The following INCENP variants were observed in gnomAD, a reference collection of about 807,000 sequenced individuals.
INCENP encodes the protein inner centromere protein.
A neutral mutation model predicts 107.3 loss-of-function variants in INCENP; 43 were observed. The observed-to-expected ratio is 0.40, with a 90% CI of 0.31 to 0.52. INCENP has a LOEUF of 0.52. Ranked by LOEUF, INCENP falls within the 20% of genes least tolerant of loss-of-function variation. The probability of loss-of-function intolerance (pLI) is 0.53; values close to 1 mark genes in which losing one functional copy is unlikely to be tolerated. For synonymous variants in INCENP, 488 were observed against 494.4 expected, an observed-to-expected ratio of 0.99 and a Z score of 0.17; for missense variants, 1,089 against 1,250.9, an observed-to-expected ratio of 0.87 and a Z score of 1.95.
At chr11:62,128,513 G>T (rs575406317) in intron 2 of INCENP, among the ~76,000 whole-genome samples, 4 of 152,200 alleles carry the variant, frequency 2.6e-5, no homozygotes, top group Non-Finnish European at 5.9e-5. Context: ...TTGCCTATTC[G>T]CCATCGTTGC....
rs1675119 is a variant in INCENP, at chr11:62,145,924, T to C, written c.1959+173T>C. Reference sequence around the variant, plus strand: ...TCCAGGGCGGGGATGGTGACCAGAATCTGCCTCTCCTGTAGCAGCAGTAAT... The same window carrying C: ...TCCAGGGCGGGGATGGTGACCAGAACCTGCCTCTCCTGTAGCAGCAGTAAT... On this transcript the variant is annotated intron_variant, in intron 14 of 18. Coordinates refer to ENST00000394818, the MANE Select transcript of INCENP (RefSeq NM_001040694.2). 0.022 allele frequency among the ~76,000 whole-genome samples: 3,312 copies of C among 152,312 alleles called. 126 individuals are homozygous for C. The highest frequency in any genetic ancestry group is 0.075 in the African/African-American group (3,130 of 41,548).
intron 17 of INCENP, among the ~76,000 whole-genome samples, chr11:62,149,421 A>T (rs953629492): frequency 1.3e-5 from 2 of 152,174 alleles, no homozygotes; most frequent in Non-Finnish European, 2.9e-5. Flanking sequence ...AAACAAAACA[A>T]TGTTTTCATT....
intron 14 of INCENP, 46 bp from the exon 15 acceptor site, chr11:62,146,612 C>T: frequency 1.9e-6 from 3 of 1,546,898 alleles, no homozygotes; most frequent in Non-Finnish European, 2.6e-6. Context: ...TCCTGCCTCT[C>T]TGGCCTGGGC....
rs1250182237 is a variant in INCENP, at chr11:62,145,664, GA to G, written c.1877del (p.Lys626ArgfsTer165). The G allele has an allele frequency of 2.5e-6, 4 of 1,582,394 alleles. No individual in the cohort carries two copies. Among genetic ancestry groups the G allele is most frequent in the East Asian group, 2.3e-5 (1 of 43,264 alleles). Reference sequence around the variant, plus strand: ...AGCGGCTGGCAGAGGAGAAGGCCAAGAAAAAGGCGGCGGCCAAGAAGATGGA... The same window carrying G: ...AGCGGCTGGCAGAGGAGAAGGCCAAGAAAAGGCGGCGGCCAAGAAGATGGA... ...EERLAEEKAK[K>X]KAAAKKMEEV... On this transcript the variant is annotated frameshift_variant, in exon 14 of 19. Transcript: ENST00000394818. LOFTEE classifies it high-confidence loss of function.
At position 62,152,624 on chromosome 11, in the gene INCENP, G is replaced by A. The variant is rs1944400597; in HGVS notation, c.*648G>A. 6.5e-6 allele frequency: 1 copy of A among 152,850 alleles called. No homozygotes were observed. Among genetic ancestry groups the A allele is most frequent in the Admixed American group, 6.5e-5 (1 of 15,306 alleles). 9.5% of individuals were successfully genotyped at this position (152,850 alleles called of 1,614,324 possible). Reference sequence around the variant, plus strand: ...AGTTTGTTCATTGGGAAAGACCTGGGTCTTGACACGGCCCTGCCACTTAGT... The same window carrying A: ...AGTTTGTTCATTGGGAAAGACCTGGATCTTGACACGGCCCTGCCACTTAGT... On this transcript the variant is annotated 3_prime_UTR_variant, in exon 19 of 19. Coordinates refer to ENST00000394818, the MANE Select transcript of INCENP (RefSeq NM_001040694.2).
At chr11:62,150,486 G>GCTT in intron 18 of INCENP, among the ~76,000 whole-genome samples, 1 of 152,214 alleles carries the variant, frequency 6.6e-6, no homozygotes, top group Non-Finnish European at 1.5e-5. Flanking sequence ...ATATGCTGCT[G>GCTT]GGTGTCCTGA....
intron 14 of INCENP, among the ~76,000 whole-genome samples, chr11:62,146,396 C>T (rs1052232780): frequency 5.9e-5 from 9 of 152,338 alleles, no homozygotes; most frequent in Admixed American, 3.9e-4. Context: ...AATGCTTGCC[C>T]GTTGTTTCAT....
At chr11:62,134,699 T>G (rs1272380854) in intron 4 of INCENP, among the ~76,000 whole-genome samples, 1 of 152,210 alleles carries the variant, frequency 6.6e-6, no homozygotes, top group Non-Finnish European at 1.5e-5. Context: ...TTGTATGACT[T>G]TAAATAAGCC....
At chr11:62,127,353 G>A (rs548235171) in intron 1 of INCENP, among the ~76,000 whole-genome samples, 1 of 152,280 alleles carries the variant, frequency 6.6e-6, no homozygotes, top group East Asian at 1.9e-4. Context: ...GTTTTAAGGA[G>A]GATACCTGAG....
Position 62,145,026 on chromosome 11 carries a change from G to A in INCENP, c.1650G>A (p.Glu550=), listed in dbSNP as rs760606962. 3 of 1,609,346 alleles carry A rather than the reference G, an allele frequency of 1.9e-6. No individual in the cohort carries two copies. Among genetic ancestry groups the A allele is most frequent in the East Asian group, 4.5e-5 (2 of 44,848 alleles). The part of the protein sequence containing the change: ...QRLENLRRKE[E]AEQLRRQKVE... ...TGGAGAATCTGCGGCGGAAGGAGGAGGCCGAGCAGCTGCGCAGGCAGAAGG... is the reference window on the plus strand; with the variant it reads ...TGGAGAATCTGCGGCGGAAGGAGGAAGCCGAGCAGCTGCGCAGGCAGAAGG... The change falls in exon 12 of 19, where the codon GAG becomes GAA. Residue 550 remains glutamate, a synonymous_variant. Transcript: ENST00000394818.
chr11:62,146,615 G>A (rs766163311), intron 14 of INCENP, 43 bp from the exon 15 acceptor site: 1 of 1,547,624 alleles, frequency 6.5e-7, no homozygotes, highest in Non-Finnish European at 8.7e-7. Context: ...TGCCTCTCTG[G>A]CCTGGGCCTG....
chr11:62,127,499 C>T (rs1943778148), intron 1 of INCENP, among the ~76,000 whole-genome samples: 1 of 152,220 alleles, frequency 6.6e-6, no homozygotes, highest in African/African-American at 2.4e-5. Context: ...ATTTGGAGGG[C>T]ATTTCAGCTC....
At position 62,145,675 on chromosome 11, in the gene INCENP, C is replaced by T. The variant is rs770364734; in HGVS notation, c.1883C>T (p.Ala628Val). Reference protein sequence around the residue: ...LAEEKAKKKAAAKKMEEVEAR... With the variant: ...LAEEKAKKKAVAKKMEEVEAR... ...GAGGAGAAGGCCAAGAAAAAGGCGG[C>T]GGCCAAGAAGATGGAGGAGGTGGAA... The change falls in exon 14 of 19, where the codon GCG becomes GTG. Residue 628 changes from alanine (A) to valine (V), a missense_variant. Coordinates refer to ENST00000394818, the MANE Select transcript of INCENP (RefSeq NM_001040694.2). 56 of 1,575,630 alleles carry T rather than the reference C, an allele frequency of 3.6e-5. No homozygotes were observed. The highest frequency in any genetic ancestry group is 4.7e-5 in the East Asian group (2 of 42,858).
rs746810359 is a variant in INCENP at position 62,130,066 on chromosome 11, A to G, written c.539A>G (p.Glu180Gly). ...GGCATCAGTGAGCGCCAGAATGCTG[A>G]GCAGCATGTCACCCAGCTCATGTCC... ...EIGISERQNA[E>G]QHVTQLMSTE... The change falls in exon 4 of 19, where the codon GAG becomes GGG. Residue 180 changes from glutamate to glycine, a missense_variant. Glu to Gly is a moderately conservative substitution (Grantham distance 98). Transcript: ENST00000394818. The G allele has an allele frequency of 7.4e-6, 12 of 1,613,566 alleles. No homozygotes were observed. The South Asian group carries it at 1.3e-4, about 18-fold the overall frequency.
At chr11:62,150,929 G>C (rs1473550193) in intron 18 of INCENP, among the ~76,000 whole-genome samples, 1 of 152,180 alleles carries the variant, frequency 6.6e-6, no homozygotes, top group African/African-American at 2.4e-5. Flanking sequence ...ATAGCTGGTA[G>C]GCACACTACA....
chr11:62,149,585 A>G (rs1944329338), intron 17 of INCENP, among the ~76,000 whole-genome samples: 2 of 152,184 alleles, frequency 1.3e-5, no homozygotes, highest in Admixed American at 1.3e-4. Flanking sequence ...CCTTAGCATC[A>G]AAAAAGGAGA....
chr11:62,148,947 A>G, intron 17 of INCENP, 101 bp downstream of exon 17: 2 of 635,036 alleles, frequency 3.1e-6, no homozygotes, highest in South Asian at 2.2e-5. Flanking sequence ...CCCTAAGGAA[A>G]AGGACAGATA....
chr11:62,148,591 G>T (rs1219397224), intron 16 of INCENP, 37 bp downstream of exon 16: 1 of 1,576,792 alleles, frequency 6.3e-7, no homozygotes, highest in South Asian at 1.2e-5. Context: ...CCTGGGGTCT[G>T]CCCTGAGCTG....
chr11:62,149,923 A>G (rs1944336928), intron 17 of INCENP, 134 bp from the exon 18 acceptor site: 1 of 908,874 alleles, frequency 1.1e-6, no homozygotes, highest in East Asian at 2.6e-5. Context: ...CTGTCTCAAA[A>G]AAAAAGAAAA....
Sources: gnomAD v4.1 joint callset for allele counts (sites outside exome capture counted in the v4.1 genomes callset) on GRCh38, gnomAD v4.1.1 for gene constraint, MANE v1.5 for transcripts, NCBI Gene and HGNC (gene_info 2026-07-23, HGNC 2026-07-21) for gene names.